Variants in TEAD1 observed in about 807,000 individuals in gnomAD.
TEAD1 encodes the protein TEA domain transcription factor 1.
TEAD1 carries 9 observed loss-of-function variants against 54.9 expected under a neutral mutation model. The observed-to-expected ratio is 0.16, with a 90% CI of 0.10 to 0.29. The LOEUF is 0.29. TEAD1 is among the 10% of genes least tolerant of loss of function. The pLI, the probability that TEAD1 is intolerant of heterozygous loss-of-function variation, is 1.00. For synonymous variants in TEAD1, 200 were observed against 187.8 expected (o/e 1.07, Z -0.53); for missense variants, 387 against 535.9 (o/e 0.72, Z 2.74).
chr11:12,747,692 C>G lies in TEAD1; in HGVS notation c.-54-16487C>G, dbSNP rs78703351. Reference sequence around the variant, plus strand: ...TACGGTGTGTCTGGCACAGTTAAGACATACTACCCATGCTCATCTCTAAGC... The same window carrying G: ...TACGGTGTGTCTGGCACAGTTAAGAGATACTACCCATGCTCATCTCTAAGC... On this transcript the variant is annotated intron_variant, in intron 2 of 12. Coordinates refer to ENST00000527636, the MANE Select transcript of TEAD1 (RefSeq NM_021961.6). Among the ~76,000 whole-genome samples, 173 of 152,306 alleles carry G rather than the reference C, an allele frequency of 1.1e-3. 4 individuals are homozygous for G. In the East Asian group the frequency reaches 0.029, roughly 25 times the overall value.
At chr11:12,758,405 G>GTCTTTT (rs1745076849) in intron 2 of TEAD1, among the ~76,000 whole-genome samples, 1 of 85,728 alleles carries the variant, frequency 1.2e-5, no homozygotes, top group African/African-American at 5.2e-5. Context: ...CGCCCAGCTA[G>GTCTTTT]TTTTTTTTTT....
intron 4 of TEAD1, 181 bp from the exon 5 acceptor site, chr11:12,864,657 G>GTTTTGTTTTT: frequency 7.2e-7 from 1 of 1,383,726 alleles, no homozygotes; most frequent in Non-Finnish European, 9.4e-7. Flanking sequence ...GTTTTGTTTT[G>GTTTTGTTTTT]TTTCCCCTCA....
At chr11:12,737,745 A>G (rs554218755) in intron 2 of TEAD1, among the ~76,000 whole-genome samples, 1 of 152,308 alleles carries the variant, frequency 6.6e-6, no homozygotes, top group Non-Finnish European at 1.5e-5. Flanking sequence ...CAAATCAAAA[A>G]TTCTTTTCTC....
intron 3 of TEAD1, among the ~76,000 whole-genome samples, chr11:12,765,955 C>T (rs1945199831): frequency 6.6e-6 from 1 of 152,176 alleles, no homozygotes; most frequent in Non-Finnish European, 1.5e-5. Flanking sequence ...CCTGAAAATG[C>T]AGCTCCCTTT....
intron 3 of TEAD1, among the ~76,000 whole-genome samples, chr11:12,803,845 G>C (rs1436506722): frequency 6.6e-6 from 1 of 152,198 alleles, no homozygotes; most frequent in African/African-American, 2.4e-5. Flanking sequence ...CCTGCCCAAG[G>C]TTGTGGAATT....
chr11:12,844,084 T>C (rs975316402), intron 3 of TEAD1, among the ~76,000 whole-genome samples: 15 of 152,234 alleles, frequency 9.9e-5, no homozygotes, highest in Non-Finnish European at 2.2e-4. Context: ...CTGTAAAGAA[T>C]GTACATTAAA....
intron 3 of TEAD1, among the ~76,000 whole-genome samples, chr11:12,824,915 A>C (rs1251972097): frequency 6.6e-6 from 1 of 152,196 alleles, no homozygotes; most frequent in African/African-American, 2.4e-5. Flanking sequence ...TCGAGCATTC[A>C]TTACATGAGA....
intron 2 of TEAD1, among the ~76,000 whole-genome samples, chr11:12,729,613 A>AT (rs1944380148): frequency 6.6e-6 from 1 of 152,238 alleles, no homozygotes; most frequent in Non-Finnish European, 1.5e-5. Context: ...TCCATTCATT[A>AT]TATTGTGTGG....
intron 9 of TEAD1, among the ~76,000 whole-genome samples, chr11:12,885,561 A>G (rs1948070820): frequency 6.6e-6 from 1 of 152,106 alleles, no homozygotes; most frequent in South Asian, 2.1e-4. Flanking sequence ...CAGTCTGAAT[A>G]TCTCCTGTGT....
At chr11:12,900,035 G>T in intron 9 of TEAD1, among the ~76,000 whole-genome samples, 1 of 152,184 alleles carries the variant, frequency 6.6e-6, no homozygotes, top group East Asian at 1.9e-4. Flanking sequence ...AGAAACTCTA[G>T]ATTATATGTT....
chr11:12,781,961 AAAAAAAAAAAGAAAGAAAAAAAGAAAAAG>A (rs1945557113), intron 3 of TEAD1, among the ~76,000 whole-genome samples: 1 of 143,266 alleles, frequency 7.0e-6, no homozygotes, highest in African/African-American at 2.9e-5. Flanking sequence ...CAAAAAAAAA[AAAAAAAAAAAGAAAGAAAAAAAGAAAAAG>A]AAAAAAAAAA....
intron 9 of TEAD1, among the ~76,000 whole-genome samples, chr11:12,887,563 T>C (rs1415026545): frequency 6.6e-6 from 1 of 152,240 alleles, no homozygotes; most frequent in Admixed American, 6.5e-5. Flanking sequence ...TCTCAAGTTA[T>C]ATACTGTGTG....
chr11:12,907,456 A>G (rs1196063369), intron 10 of TEAD1, among the ~76,000 whole-genome samples: 1 of 152,064 alleles, frequency 6.6e-6, no homozygotes, highest in African/African-American at 2.4e-5. Context: ...TTCTAGTTTT[A>G]TTATATTTTC....
At chr11:12,765,993 C>T (rs936368301) in intron 3 of TEAD1, among the ~76,000 whole-genome samples, 3 of 152,192 alleles carry the variant, frequency 2.0e-5, no homozygotes, top group Non-Finnish European at 4.4e-5. Context: ...GCATTTTAAT[C>T]TTTGAAGCTT....
At chr11:12,711,378 C>T (rs1418404638) in intron 2 of TEAD1, among the ~76,000 whole-genome samples, 1 of 152,164 alleles carries the variant, frequency 6.6e-6, no homozygotes, top group African/African-American at 2.4e-5. Flanking sequence ...TGTCTAATGC[C>T]ACTTTAAGAT....
chr11:12,839,499 T>C (rs1410463114), intron 3 of TEAD1, among the ~76,000 whole-genome samples: 1 of 152,214 alleles, frequency 6.6e-6, no homozygotes, highest in East Asian at 1.9e-4. Context: ...TCCACATGTT[T>C]CTGGCCTGTC....
intron 3 of TEAD1, among the ~76,000 whole-genome samples, chr11:12,793,547 G>C (rs919177222): frequency 1.3e-5 from 2 of 152,062 alleles, no homozygotes; most frequent in South Asian, 4.1e-4. Context: ...ATTTTGTTCA[G>C]TTTTTCCTTT....
chr11:12,703,681 G>C (rs1943752186), intron 2 of TEAD1, among the ~76,000 whole-genome samples: 1 of 152,130 alleles, frequency 6.6e-6, no homozygotes, highest in African/African-American at 2.4e-5. Context: ...TCAGTGCTTT[G>C]TTTATAATAG....
chr11:12,799,161 C>G (rs546372759), intron 3 of TEAD1, among the ~76,000 whole-genome samples: 66 of 152,354 alleles, frequency 4.3e-4, no homozygotes, highest in African/African-American at 1.6e-3. Context: ...ACCTACCTGT[C>G]TACCAAATTA....
Sources: allele counts gnomAD v4.1 joint callset (sites outside exome capture counted in the v4.1 genomes callset), GRCh38; gene constraint gnomAD v4.1.1; transcripts MANE v1.5; gene names NCBI Gene and HGNC (gene_info 2026-07-23, HGNC 2026-07-21).